CTTNBP2: variants seen among roughly 807,000 people sequenced by gnomAD.
CTTNBP2 encodes the protein cortactin binding protein 2, also known as cortactin-binding protein 2.
Under a neutral mutation model 156.9 loss-of-function variants are expected in CTTNBP2, and 108 were observed. The observed-to-expected ratio is 0.69, with a 90% CI of 0.59 to 0.81. The LOEUF (loss-of-function observed/expected upper bound fraction) is 0.81. CTTNBP2 is among the 30% of genes least tolerant of loss of function. The pLI is 0.00. For missense variants in CTTNBP2, 1,924 were observed against 2,035.4 expected (o/e 0.95, Z 1.05); for synonymous variants, 767 against 751.8 (o/e 1.02, Z -0.33).
In CTTNBP2 at chr7:117,752,295, A is replaced by T. The variant is rs574960496; in HGVS notation, c.3348+4260T>A. 2.0e-5 allele frequency among the ~76,000 whole-genome samples: 3 copies of T among 152,272 alleles called. No homozygotes were observed. In the East Asian group the frequency reaches 5.8e-4, roughly 29 times the overall value. On this transcript the variant is annotated intron_variant, in intron 12 of 22. Coordinates refer to ENST00000160373, the MANE Select transcript of CTTNBP2 (RefSeq NM_033427.3). The stretch of plus-strand genomic sequence containing the variant: ...ATTTTAAAGAAGCACTCAGATCAAG[A>T]TGACCGAACTCCAGCATTTTTTCTA...
intron 2 of CTTNBP2, among the ~76,000 whole-genome samples, chr7:117,836,542 G>A (rs983298453): frequency 4.6e-5 from 7 of 152,266 alleles, no homozygotes; most frequent in Non-Finnish European, 5.9e-5. Flanking sequence ...CAGCCTGGGC[G>A]ACAGAGCGAG....
In CTTNBP2 at chr7:117,757,758, T is replaced by C. The variant is rs1254689784; in HGVS notation, c.3268+117A>G. 8.0e-6 allele frequency: 5 copies of C among 622,044 alleles called. No homozygotes were observed. In the East Asian group the frequency reaches 1.4e-4, roughly 18 times the overall value. 38.5% of individuals were successfully genotyped at this position (622,044 alleles called of 1,614,324 possible). A position where few individuals can be genotyped will look rare whatever the true frequency, so the allele number is the denominator to read the frequency against. ...ACATCTAATTACCTAGTGGTGGAAC[T>C]CACATGTGCGTGGCTAGAAGACATG... is the stretch of plus-strand genomic sequence containing the variant. On this transcript the variant is annotated intron_variant, in intron 11 of 22. Coordinates refer to ENST00000160373, the MANE Select transcript of CTTNBP2 (RefSeq NM_033427.3).
intron 3 of CTTNBP2, among the ~76,000 whole-genome samples, chr7:117,805,272 G>C (rs992206114): frequency 6.6e-6 from 1 of 152,066 alleles, no homozygotes; most frequent in African/African-American, 2.4e-5. Flanking sequence ...AAATCACAAA[G>C]AATCCAAAGT....
At position 117,792,578 on chromosome 7, in the gene CTTNBP2, C is replaced by T. The variant is rs1366318722; in HGVS notation, c.618G>A (p.Thr206=). 6.2e-6 allele frequency: 10 copies of T among 1,614,138 alleles called. No individual in the cohort carries two copies. Among genetic ancestry groups the T allele is most frequent in the East Asian group, 2.2e-5 (1 of 44,876 alleles). ...MAKLEEEKKK[T]NELEEELSAE... ...CGGAGAGTTCCTCTTCTAATTCATT[C>T]GTCTTTTTCTTTTCCTCTTCCAGTT... The change falls in exon 4 of 23, where the codon ACG becomes ACA. Residue 206 remains threonine, a synonymous_variant. Coordinates refer to ENST00000160373, the MANE Select transcript of CTTNBP2 (RefSeq NM_033427.3). The surrounding 1 kb of genome is among the most constrained non-coding windows in gnomAD (Gnocchi z 4.2).
At chr7:117,724,976 G>A in intron 18 of CTTNBP2, 76 bp downstream of exon 18, 1 of 1,355,982 alleles carries the variant, frequency 7.4e-7, no homozygotes, top group South Asian at 1.2e-5. Flanking sequence ...AAGAAAGAAA[G>A]CTCTCTAAAA....
At chr7:117,836,960 G>A (rs1389465512) in intron 2 of CTTNBP2, among the ~76,000 whole-genome samples, 3 of 152,206 alleles carry the variant, frequency 2.0e-5, no homozygotes, top group African/African-American at 7.2e-5. Flanking sequence ...AATTCAAGAT[G>A]AGATTTAGGT....
chr7:117,856,056 C>A (rs1357253715), intron 2 of CTTNBP2, among the ~76,000 whole-genome samples: 1 of 152,162 alleles, frequency 6.6e-6, no homozygotes, highest in Non-Finnish European at 1.5e-5. Context: ...GATAGGGTCC[C>A]TCCCTCTTGG....
chr7:117,817,352 A>AT (rs1800658440), intron 2 of CTTNBP2, among the ~76,000 whole-genome samples: 13 of 89,792 alleles, frequency 1.4e-4, no homozygotes, highest in East Asian at 6.9e-4. Context: ...AAAAAAAAAA[A>AT]AAAAAAAAAA....
chr7:117,730,429 G>A (rs56316271), intron 16 of CTTNBP2, among the ~76,000 whole-genome samples: 2,055 of 152,166 alleles, frequency 0.014, 22 homozygotes, highest in Non-Finnish European at 0.021. Flanking sequence ...CCATGAAGTC[G>A]GACAGAATCA....
rs1489885179 is a variant in CTTNBP2, at chr7:117,728,713, C to T, written c.3877-446G>A. Among the ~76,000 whole-genome samples the T allele has an allele frequency of 2.0e-5, 3 of 152,238 alleles. No individual in the cohort carries two copies. In the East Asian group the frequency reaches 5.8e-4, roughly 29 times the overall value. On this transcript the variant is annotated intron_variant, in intron 16 of 22. Coordinates refer to ENST00000160373, the MANE Select transcript of CTTNBP2 (RefSeq NM_033427.3). ...ATTAAATTAAGCTGACTAACATATCCATCCCTTTACATACTTATTTTTATT... is the reference window on the plus strand; with the variant it reads ...ATTAAATTAAGCTGACTAACATATCTATCCCTTTACATACTTATTTTTATT...
rs748157827 is a variant in CTTNBP2, at chr7:117,725,039, G to GA, written c.4261+12dup. 3.7e-6 allele frequency: 6 copies of GA among 1,610,896 alleles called. No individual in the cohort carries two copies. In the Admixed American group the frequency reaches 1.0e-4, roughly 27 times the overall value. On this transcript the variant is annotated intron_variant, in intron 18 of 22. Coordinates refer to ENST00000160373, the MANE Select transcript of CTTNBP2 (RefSeq NM_033427.3). The stretch of plus-strand genomic sequence containing the variant: ...GTGTGAATTTCCTCTCCTCTCTGCA[G>GA]AAACCCACATACCTGCTCTGGGGAG...
intron 12 of CTTNBP2, among the ~76,000 whole-genome samples, chr7:117,750,450 G>A (rs1321443052): frequency 6.6e-6 from 1 of 152,102 alleles, no homozygotes; most frequent in African/African-American, 2.4e-5. Context: ...ATAAATAACT[G>A]AATTAGGTAG....
At chr7:117,785,871 G>A (rs759637499) in intron 4 of CTTNBP2, among the ~76,000 whole-genome samples, 4 of 152,134 alleles carry the variant, frequency 2.6e-5, no homozygotes, top group Non-Finnish European at 4.4e-5. Context: ...TTACCTGCAT[G>A]TCCTTTCTTA....
intron 2 of CTTNBP2, 93 bp from the exon 3 acceptor site, chr7:117,811,082 G>T (rs1245740059): frequency 1.1e-6 from 1 of 943,418 alleles, no homozygotes; most frequent in East Asian, 2.6e-5. Context: ...CTTCCAAATG[G>T]TATTCTCAAC....
chr7:117,785,498 T>C (rs185268262), intron 4 of CTTNBP2, among the ~76,000 whole-genome samples: 1 of 152,338 alleles, frequency 6.6e-6, no homozygotes, highest in East Asian at 1.9e-4. Context: ...TATGTACATA[T>C]ATTCATCCCT....
intron 2 of CTTNBP2, among the ~76,000 whole-genome samples, chr7:117,845,088 G>A (rs1326480386): frequency 2.0e-5 from 3 of 152,120 alleles, no homozygotes; most frequent in South Asian, 4.1e-4. Context: ...CTCCAGGCTT[G>A]TGCAAGCCTA....
intron 9 of CTTNBP2, 59 bp from the exon 10 acceptor site, chr7:117,760,769 A>G: frequency 8.6e-7 from 1 of 1,159,128 alleles, no homozygotes; most frequent in Non-Finnish European, 1.2e-6. Context: ...AAAAAAGTAA[A>G]ACTATTACAT....
chr7:117,810,609 T>A (rs1361330850), intron 3 of CTTNBP2, among the ~76,000 whole-genome samples, 156 bp downstream of exon 3: 1 of 152,244 alleles, frequency 6.6e-6, no homozygotes, highest in Admixed American at 6.5e-5. Flanking sequence ...AACACTAGGT[T>A]ACATTGGCTT....
chr7:117,816,558 A>G (rs180955960), intron 2 of CTTNBP2, among the ~76,000 whole-genome samples: 21 of 152,228 alleles, frequency 1.4e-4, no homozygotes, highest in Admixed American at 1.2e-3. Flanking sequence ...TGCTCATGTC[A>G]AAAGGTTCAG....
Sources: gnomAD v4.1 joint callset for allele counts (sites outside exome capture counted in the v4.1 genomes callset) on GRCh38, gnomAD v4.1.1 for gene constraint, Gnocchi (gnomAD v3.1) non-coding constraint, MANE v1.5 for transcripts, NCBI Gene and HGNC (gene_info 2026-07-23, HGNC 2026-07-21) for gene names.